The following DSCAM variants were observed in gnomAD, a reference collection of about 807,000 sequenced individuals.
The protein encoded by DSCAM is DS cell adhesion molecule, also known as cell adhesion molecule DSCAM.
In DSCAM, 47 loss-of-function variants were observed where a neutral mutation model predicts 217.7. The observed-to-expected ratio is 0.22, with a 90% confidence interval of 0.17 to 0.28. The LOEUF (loss-of-function observed/expected upper bound fraction) is 0.28. Ranked by LOEUF, DSCAM falls within the 10% of genes least tolerant of loss-of-function variation. The probability of loss-of-function intolerance (pLI) is 1.00; values close to 1 mark genes in which losing one functional copy is unlikely to be tolerated. For missense variants in DSCAM, 2,080 were observed against 2,618.3 expected, an observed-to-expected ratio of 0.79 and a Z score of 4.49; for synonymous variants, 1,056 against 1,015.3, an observed-to-expected ratio of 1.04 and a Z score of -0.76.
At position 40,682,864 on chromosome 21, in the gene DSCAM, G is replaced by A. The variant is rs143519230; in HGVS notation, c.508+9946C>T. On this transcript the variant is annotated intron_variant, in intron 3 of 32. Coordinates refer to ENST00000400454, the MANE Select transcript of DSCAM (RefSeq NM_001389.5). ...GGAAGGGAAGGGAAGGGAAGGGAAG[G>A]GAGACCTGAGCACCTGTGTCACAAG... Among the ~76,000 whole-genome samples, 432 of 148,350 alleles carry A rather than the reference G, an allele frequency of 2.9e-3. 4 individuals carry two copies. Among genetic ancestry groups the A allele is most frequent in the African/African-American group, 0.011 (413 of 38,806 alleles).
chr21:40,521,565 ATT>A (rs140571543), intron 3 of DSCAM, among the ~76,000 whole-genome samples: 1 of 151,460 alleles, frequency 6.6e-6, no homozygotes, highest in Non-Finnish European at 1.5e-5. Context: ...CTTCTTTTTA[ATT>A]TTTTTTGCTG....
chr21:40,670,022 T>C (rs2837775), intron 3 of DSCAM, among the ~76,000 whole-genome samples: 6,880 of 152,212 alleles, frequency 0.045, 236 homozygotes, highest in Non-Finnish European at 0.071. Context: ...ATTATGATTA[T>C]GATTTTGGAA....
At chr21:40,107,993 T>A (rs1263771683) in intron 20 of DSCAM, among the ~76,000 whole-genome samples, 4 of 152,138 alleles carry the variant, frequency 2.6e-5, no homozygotes, top group African/African-American at 9.7e-5. Context: ...AATAAACTAG[T>A]TATTGAAGGA....
chr21:40,493,222 A>G (rs562779711), intron 3 of DSCAM, among the ~76,000 whole-genome samples: 1 of 152,330 alleles, frequency 6.6e-6, no homozygotes, highest in African/African-American at 2.4e-5. Context: ...TACATTTTTA[A>G]ATATTAGCTT....
chr21:40,485,398 G>T (rs7278855), intron 3 of DSCAM, among the ~76,000 whole-genome samples: 42,635 of 150,920 alleles, frequency 0.28, 6,033 homozygotes, highest in African/African-American at 0.35. Flanking sequence ...GCCCGCCACC[G>T]CGCCCGGCTA....
intron 18 of DSCAM, among the ~76,000 whole-genome samples, chr21:40,135,280 T>C (rs550707632): frequency 6.6e-6 from 1 of 152,362 alleles, no homozygotes; most frequent in African/African-American, 2.4e-5. Flanking sequence ...ATCCAGCTGC[T>C]TGTCAATCCC....
intron 3 of DSCAM, among the ~76,000 whole-genome samples, chr21:40,441,673 C>T (rs2145914135): frequency 6.6e-6 from 1 of 152,260 alleles, no homozygotes; most frequent in East Asian, 1.9e-4. Context: ...GATACTCAAA[C>T]TTTAGGATAA....
At chr21:40,499,518 A>T (rs952175337) in intron 3 of DSCAM, among the ~76,000 whole-genome samples, 21 of 152,304 alleles carry the variant, frequency 1.4e-4, no homozygotes, top group African/African-American at 4.8e-4. Flanking sequence ...CTCACCAGCA[A>T]CGCATGTGTC....
At chr21:40,628,401 G>A (rs913230448) in intron 3 of DSCAM, among the ~76,000 whole-genome samples, 1 of 152,130 alleles carries the variant, frequency 6.6e-6, no homozygotes, top group Admixed American at 6.5e-5. Context: ...TCTATAAAAT[G>A]GGGATAACAG....
intron 27 of DSCAM, among the ~76,000 whole-genome samples, chr21:40,065,534 A>G (rs1404451941): frequency 1.3e-5 from 2 of 152,136 alleles, no homozygotes; most frequent in African/African-American, 4.8e-5. Flanking sequence ...CCCTTTCACA[A>G]TGTCTTACAC....
chr21:40,158,837 A>G (rs183760623), intron 16 of DSCAM, among the ~76,000 whole-genome samples: 1 of 152,378 alleles, frequency 6.6e-6, no homozygotes, highest in East Asian at 1.9e-4. Flanking sequence ...AAATTTTTCA[A>G]AAGAACAGGA....
At chr21:40,758,969 C>T (rs554200974) in intron 1 of DSCAM, among the ~76,000 whole-genome samples, 19 of 152,116 alleles carry the variant, frequency 1.2e-4, no homozygotes, top group Non-Finnish European at 2.4e-4. Flanking sequence ...GTTAATAGAT[C>T]ATCATAAATA....
intron 5 of DSCAM, among the ~76,000 whole-genome samples, chr21:40,351,678 C>T (rs1430015912): frequency 1.3e-5 from 2 of 152,044 alleles, no homozygotes; most frequent in East Asian, 3.9e-4. Flanking sequence ...AGAAGGGAGG[C>T]AGAGAATATT....
intron 1 of DSCAM, among the ~76,000 whole-genome samples, chr21:40,786,623 G>A (rs1316686929): frequency 6.6e-6 from 1 of 152,164 alleles, no homozygotes; most frequent in Non-Finnish European, 1.5e-5. Context: ...CATGCTAAGT[G>A]AAAAAGCCAG....
intron 27 of DSCAM, 82 bp downstream of exon 27, chr21:40,074,954 GT>G: frequency 3.4e-6 from 5 of 1,451,274 alleles, no homozygotes; most frequent in Non-Finnish European, 4.7e-6. Context: ...CCCTTTTGAG[GT>G]TTGTTCTCCA....
chr21:40,560,797 C>T (rs960242793), intron 3 of DSCAM, among the ~76,000 whole-genome samples: 2 of 152,138 alleles, frequency 1.3e-5, no homozygotes, highest in Admixed American at 6.5e-5. Context: ...GCTGCCTCTG[C>T]CCAGCATCAA....
At chr21:40,842,187 A>G (rs1328326386) in intron 1 of DSCAM, among the ~76,000 whole-genome samples, 3 of 151,954 alleles carry the variant, frequency 2.0e-5, no homozygotes, top group African/African-American at 7.3e-5. Flanking sequence ...CCACCTCCCT[A>G]TCTCCCAGGC....
chr21:40,632,946 G>C (rs2089712043), intron 3 of DSCAM, among the ~76,000 whole-genome samples: 1 of 151,924 alleles, frequency 6.6e-6, no homozygotes, highest in Non-Finnish European at 1.5e-5. Context: ...GGTTTTCATG[G>C]GCATCACTTT....
At chr21:40,568,209 C>T (rs1176985141) in intron 3 of DSCAM, among the ~76,000 whole-genome samples, 3 of 152,142 alleles carry the variant, frequency 2.0e-5, no homozygotes, top group Admixed American at 6.6e-5. Context: ...AAATTTTATA[C>T]CATTCTGACA....
Sources: allele counts gnomAD v4.1 joint callset (sites outside exome capture counted in the v4.1 genomes callset), GRCh38; gene constraint gnomAD v4.1.1; transcripts MANE v1.5; gene names NCBI Gene and HGNC (gene_info 2026-07-23, HGNC 2026-07-21).